TMEM135: variants seen among roughly 807,000 people sequenced by gnomAD.
TMEM135 encodes the protein peroxisomal membrane protein 52.
TMEM135 carries 30 observed loss-of-function variants against 60.3 expected under a neutral mutation model. The ratio of observed to expected loss-of-function variants is 0.50; its 90% CI spans 0.37 to 0.68. The LOEUF is 0.68. Ranked by LOEUF, TMEM135 falls within the 30% of genes least tolerant of loss-of-function variation. The pLI, the probability that TMEM135 is intolerant of heterozygous loss-of-function variation, is 0.00. For synonymous variants in TMEM135, 190 were observed against 186.7 expected, an observed-to-expected ratio of 1.02 and a Z score of -0.14; for missense variants, 468 against 548.8, an observed-to-expected ratio of 0.85 and a Z score of 1.47.
chr11:87,185,342 C>T (rs1243085960), intron 5 of TMEM135, among the ~76,000 whole-genome samples: 1 of 152,062 alleles, frequency 6.6e-6, no homozygotes, highest in Non-Finnish European at 1.5e-5. Context: ...GGTTGGTTCC[C>T]CCCTCATCCC....
chr11:87,221,913 T>C (rs1940625859), intron 5 of TMEM135, among the ~76,000 whole-genome samples: 1 of 152,100 alleles, frequency 6.6e-6, no homozygotes, highest in South Asian at 2.1e-4. Flanking sequence ...AAAATTGGGC[T>C]GGGGCCCGGC....
intron 5 of TMEM135, among the ~76,000 whole-genome samples, chr11:87,170,280 A>G (rs1014061243): frequency 1.3e-5 from 2 of 151,874 alleles, no homozygotes; most frequent in African/African-American, 4.8e-5. Flanking sequence ...TCTGAAGCCT[A>G]TTTCTGTCAT....
At chr11:87,279,327 T>C (rs1942020232) in intron 6 of TMEM135, among the ~76,000 whole-genome samples, 1 of 152,186 alleles carries the variant, frequency 6.6e-6, no homozygotes, top group African/African-American at 2.4e-5. Context: ...TGTTTCACCT[T>C]AGAGTTTAAG....
At chr11:87,056,384 A>C (rs567438425) in intron 1 of TMEM135, among the ~76,000 whole-genome samples, 2 of 152,300 alleles carry the variant, frequency 1.3e-5, no homozygotes, top group African/African-American at 4.8e-5. Context: ...CTGGGATTAC[A>C]GGTGTGAGCC....
At chr11:87,238,324 A>G (rs2135375884) in intron 6 of TMEM135, among the ~76,000 whole-genome samples, 1 of 152,160 alleles carries the variant, frequency 6.6e-6, no homozygotes, top group East Asian at 1.9e-4. Context: ...AGTTTTAAAA[A>G]TGTCATATGC....
chr11:87,076,541 A>G (rs1029914330), intron 3 of TMEM135, among the ~76,000 whole-genome samples: 13 of 152,196 alleles, frequency 8.5e-5, no homozygotes, highest in Non-Finnish European at 1.8e-4. Flanking sequence ...ACTGTGTCCA[A>G]GCTGGTACCT....
chr11:87,184,492 C>T (rs1565477921), intron 5 of TMEM135, among the ~76,000 whole-genome samples: 1 of 152,014 alleles, frequency 6.6e-6, no homozygotes, highest in Non-Finnish European at 1.5e-5. Flanking sequence ...AAAACAAAGA[C>T]AATACATAGT....
chr11:87,185,232 G>A (rs1219639907), intron 5 of TMEM135, among the ~76,000 whole-genome samples: 1 of 152,082 alleles, frequency 6.6e-6, no homozygotes, highest in Non-Finnish European at 1.5e-5. Context: ...TTTAGTCAGT[G>A]TTCACATTTT....
chr11:87,227,604 A>T (rs1475337196), intron 5 of TMEM135, among the ~76,000 whole-genome samples: 1 of 152,190 alleles, frequency 6.6e-6, no homozygotes, highest in African/African-American at 2.4e-5. Context: ...TTAAACAATG[A>T]TTTAAAAAAT....
intron 6 of TMEM135, among the ~76,000 whole-genome samples, chr11:87,283,628 G>A (rs1942109308): frequency 6.6e-6 from 1 of 152,208 alleles, no homozygotes; most frequent in South Asian, 2.1e-4. Context: ...GGGAGGCCAA[G>A]GCAGGTGGAT....
Position 87,287,702 on chromosome 11 carries a change from T to C in TMEM135, c.510-8080T>C, listed in dbSNP as rs370606148. 2.8e-5 allele frequency among the ~76,000 whole-genome samples: 4 copies of C among 144,952 alleles called. No individual in the cohort carries two copies. The East Asian group carries it at 7.7e-4, about 28-fold the overall frequency. Reference sequence around the variant, plus strand: ...TAAATTAATAAATAATAAATAAATGTATGTATGTATGTATGTATTTTTTAT... The same window carrying C: ...TAAATTAATAAATAATAAATAAATGCATGTATGTATGTATGTATTTTTTAT... On this transcript the variant is annotated intron_variant, in intron 6 of 14. Transcript: ENST00000305494.
intron 3 of TMEM135, among the ~76,000 whole-genome samples, chr11:87,083,743 T>G (rs2135158250): frequency 6.6e-6 from 1 of 152,298 alleles, no homozygotes; most frequent in Middle Eastern, 3.4e-3. Flanking sequence ...TCATAGACTC[T>G]TGCTCTAGAT....
chr11:87,277,744 A>T (rs912167420), intron 6 of TMEM135, among the ~76,000 whole-genome samples: 1 of 151,580 alleles, frequency 6.6e-6, no homozygotes, highest in African/African-American at 2.4e-5. Flanking sequence ...CTGGTCTCGA[A>T]CTCCTAACCT....
intron 5 of TMEM135, among the ~76,000 whole-genome samples, chr11:87,176,285 C>T (rs1476120955): frequency 2.6e-5 from 4 of 152,056 alleles, no homozygotes; most frequent in Non-Finnish European, 5.9e-5. Flanking sequence ...TTCCTGTCTC[C>T]CCATGTGATG....
chr11:87,067,931 T>G, intron 2 of TMEM135, 110 bp downstream of exon 2: 8 of 1,357,172 alleles, frequency 5.9e-6, no homozygotes, highest in Non-Finnish European at 8.2e-6. Context: ...CCCCCCCTTT[T>G]TTTAATCTGT....
At chr11:87,096,188 T>G in intron 4 of TMEM135, 1 of 304,466 alleles carries the variant, frequency 3.3e-6, no homozygotes, top group Non-Finnish European at 6.5e-6. Flanking sequence ...AAGTTTTTTA[T>G]CCGTTAAACT....
intron 5 of TMEM135, among the ~76,000 whole-genome samples, chr11:87,158,155 G>T (rs1262198876): frequency 1.3e-5 from 2 of 152,110 alleles, no homozygotes; most frequent in Non-Finnish European, 2.9e-5. Flanking sequence ...TGAACTCCTG[G>T]CCTCAAGCGA....
At chr11:87,189,112 T>C (rs78956602) in intron 5 of TMEM135, among the ~76,000 whole-genome samples, 11 of 123,878 alleles carry the variant, frequency 8.9e-5, no homozygotes, top group Admixed American at 7.8e-5. Flanking sequence ...TCCCTTTTCC[T>C]TTTCCTTTCC....
intron 5 of TMEM135, among the ~76,000 whole-genome samples, chr11:87,159,696 C>T (rs1273898626): frequency 6.6e-6 from 1 of 151,836 alleles, no homozygotes; most frequent in Non-Finnish European, 1.5e-5. Flanking sequence ...AGCTTACTCT[C>T]TGGTCGGGGA....
Sources: gnomAD v4.1 joint callset for allele counts (sites outside exome capture counted in the v4.1 genomes callset) on GRCh38, gnomAD v4.1.1 for gene constraint, MANE v1.5 for transcripts, NCBI Gene and HGNC (gene_info 2026-07-23, HGNC 2026-07-21) for gene names.